NEK6: variants seen among roughly 807,000 people sequenced by gnomAD.
NEK6 encodes the protein NIMA related kinase 6, also known as serine/threonine-protein kinase Nek6.
In NEK6, 27 loss-of-function variants were observed where a neutral mutation model predicts 43.5. The observed-to-expected ratio is 0.62, with a 90% confidence interval of 0.46 to 0.86. The LOEUF is 0.86. Ranked by LOEUF, NEK6 falls within the 40% of genes least tolerant of loss-of-function variation. The pLI, the probability that NEK6 is intolerant of heterozygous loss-of-function variation, is 0.00. For missense variants in NEK6, 318 were observed against 414.4 expected, an observed-to-expected ratio of 0.77 and a Z score of 2.02; for synonymous variants, 167 against 164.1, an observed-to-expected ratio of 1.02 and a Z score of -0.14.
intron 1 of NEK6, among the ~76,000 whole-genome samples, chr9:124,259,849 A>T (rs938126137): frequency 3.9e-5 from 6 of 152,230 alleles, no homozygotes; most frequent in Admixed American, 1.3e-4. Flanking sequence ...TCTCAGACTG[A>T]AGGCCTTAGA....
intron 1 of NEK6, 66 bp from the exon 2 acceptor site, chr9:124,301,870 C>T (rs141281545): frequency 2.5e-5 from 33 of 1,330,192 alleles, no homozygotes; most frequent in African/African-American, 5.8e-5. Context: ...ATGGGGTGAG[C>T]GAAAGTCCCT....
chr9:124,339,008 G>A (rs1356940489), intron 7 of NEK6, among the ~76,000 whole-genome samples: 1 of 137,716 alleles, frequency 7.3e-6, no homozygotes, highest in Non-Finnish European at 1.5e-5. Flanking sequence ...CAGCTCTCCA[G>A]CCCCATCCTG....
intron 1 of NEK6, among the ~76,000 whole-genome samples, chr9:124,273,317 A>G (rs1831520353): frequency 6.6e-6 from 1 of 152,146 alleles, no homozygotes; most frequent in Admixed American, 6.5e-5. Context: ...ATTTGGATAA[A>G]CTGAGGCCTA....
chr9:124,324,760 G>A lies in NEK6; in HGVS notation c.406-1570G>A, dbSNP rs141359331. On this transcript the variant is annotated intron_variant, in intron 5 of 9. Coordinates refer to ENST00000320246, the MANE Select transcript of NEK6 (RefSeq NM_014397.6). This position sits in a 1 kb window ranked among gnomAD's most constrained non-coding sequence, Gnocchi z 5.3. The stretch of plus-strand genomic sequence containing the variant: ...GGCGAGGTCAGGGGCTCCCCACTGC[G>A]ACTGTCCCACCGTGGGAAGCACCCA... 4.9e-3 allele frequency among the ~76,000 whole-genome samples: 752 copies of A among 152,280 alleles called. 8 individuals are homozygous for A. Among genetic ancestry groups the A allele is most frequent in the African/African-American group, 0.017 (726 of 41,566 alleles).
chr9:124,340,207 TG>T (rs1390059063), intron 8 of NEK6, among the ~76,000 whole-genome samples: 2 of 152,190 alleles, frequency 1.3e-5, no homozygotes, highest in Non-Finnish European at 2.9e-5. Context: ...GTGGCCTGCC[TG>T]GACAAAGGGA....
Position 124,260,883 on chromosome 9 carries a change from A to G in NEK6, c.-30+2798A>G, listed in dbSNP as rs117034482. ...CTAATACGCAGCAGAGCTGGATTTG[A>G]ACCCAGGCTTGTCTGAGCAGAGCCC... is the stretch of plus-strand genomic sequence containing the variant. On this transcript the variant is annotated intron_variant, in intron 1 of 9. Transcript: ENST00000320246. 6.5e-3 allele frequency among the ~76,000 whole-genome samples: 994 copies of G among 152,334 alleles called. 10 individuals carry two copies. The highest frequency in any genetic ancestry group is 0.01 in the Middle Eastern group (3 of 294).
chr9:124,343,691 G>T lies in NEK6; in HGVS notation c.718-4018G>T, dbSNP rs1238959161. Among the ~76,000 whole-genome samples the T allele has an allele frequency of 5.9e-5, 9 of 152,192 alleles. No individual in the cohort carries two copies. The highest frequency in any genetic ancestry group is 5.9e-4 in the Admixed American group (9 of 15,286). On this transcript the variant is annotated intron_variant, in intron 8 of 9. Coordinates refer to ENST00000320246, the MANE Select transcript of NEK6 (RefSeq NM_014397.6). The surrounding 1 kb of genome is among the most constrained non-coding windows in gnomAD (Gnocchi z 5.1). ...GCCCCACAGCCTGTGGTGTCTTCCAGGGGCACCAGCCTGAAGAGCTGTGAC... is the reference window on the plus strand; with the variant it reads ...GCCCCACAGCCTGTGGTGTCTTCCATGGGCACCAGCCTGAAGAGCTGTGAC...
At chr9:124,347,899 C>A in intron 9 of NEK6, 77 bp downstream of exon 9, 1 of 827,082 alleles carries the variant, frequency 1.2e-6, no homozygotes. Context: ...CAAAACACCA[C>A]AGCTGTGGGG....
At chr9:124,342,377 C>T (rs1331372993) in intron 8 of NEK6, among the ~76,000 whole-genome samples, 1 of 152,240 alleles carries the variant, frequency 6.6e-6, no homozygotes, top group Non-Finnish European at 1.5e-5. Context: ...CTTACCAACT[C>T]ACTTTCATCC....
chr9:124,270,149 C>T (rs1831383403), intron 1 of NEK6, among the ~76,000 whole-genome samples: 1 of 152,164 alleles, frequency 6.6e-6, no homozygotes, highest in East Asian at 1.9e-4. Flanking sequence ...CATCTGCTGC[C>T]ATTGGTCCTG....
chr9:124,316,384 T>A (rs545831999), intron 4 of NEK6, among the ~76,000 whole-genome samples: 42 of 152,314 alleles, frequency 2.8e-4, no homozygotes, highest in African/African-American at 9.6e-4. Context: ...TCATAGACAC[T>A]CTGTGTTACA....
chr9:124,292,759 AACCAGTT>A, intron 1 of NEK6: 1 of 1,249,950 alleles, frequency 8.0e-7, no homozygotes, highest in Non-Finnish European at 1.1e-6. Flanking sequence ...CTGAGTCAGC[AACCAGTT>A]ACCCAGCCTC....
At chr9:124,323,447 TG>T (rs1437091161) in intron 5 of NEK6, among the ~76,000 whole-genome samples, 58 of 152,130 alleles carry the variant, frequency 3.8e-4, no homozygotes, top group Non-Finnish European at 7.9e-4. Context: ...GTCAGCTCTG[TG>T]TTCTAGAAGA....
Position 124,258,266 on chromosome 9 carries a change from C to T in NEK6, c.-30+181C>T, listed in dbSNP as rs3983850. 59 of 983,666 alleles carry T rather than the reference C, an allele frequency of 6.0e-5. No individual in the cohort carries two copies. The South Asian group carries it at 1.8e-3, about 31-fold the overall frequency. The allele number at this position is 983,666 out of a possible 1,614,324, so 60.9% of individuals were successfully genotyped here. The stretch of plus-strand genomic sequence containing the variant: ...GCGCGGGGCTGAGCGTGTCGGCGGC[C>T]GGGCGGGCGGGGGCGGCGTGTCCGC... On this transcript the variant is annotated intron_variant, in intron 1 of 9. Transcript: ENST00000320246.
chr9:124,297,329 A>G (rs545454804), intron 1 of NEK6, among the ~76,000 whole-genome samples: 3 of 152,230 alleles, frequency 2.0e-5, no homozygotes, highest in Non-Finnish European at 4.4e-5. Flanking sequence ...CCCATGTGCC[A>G]GGCTCTGTGC....
intron 7 of NEK6, among the ~76,000 whole-genome samples, chr9:124,332,347 C>G (rs1336655862): frequency 1.3e-5 from 2 of 152,150 alleles, no homozygotes; most frequent in South Asian, 2.1e-4. Flanking sequence ...AGAGGGAAAC[C>G]AAGTCTGCAG....
chr9:124,318,247 A>AT (rs996164440), intron 4 of NEK6, among the ~76,000 whole-genome samples: 421 of 147,342 alleles, frequency 2.9e-3, no homozygotes, highest in Admixed American at 4.0e-3. Context: ...TCTCATTGTA[A>AT]TTTTTTTTTT....
chr9:124,286,055 C>T (rs1832142754), intron 1 of NEK6, among the ~76,000 whole-genome samples: 1 of 152,166 alleles, frequency 6.6e-6, no homozygotes, highest in African/African-American at 2.4e-5. Context: ...GACTCCTAGT[C>T]TCGTGAACGG....
chr9:124,347,729 C>G lies in NEK6; in HGVS notation c.738C>G (p.Pro246=), dbSNP rs942903255. 1.2e-6 allele frequency: 2 copies of G among 1,610,808 alleles called. No homozygotes were observed. The highest frequency in any genetic ancestry group is 3.3e-5 in the Admixed American group (2 of 59,762). The change falls in exon 9 of 10, where the codon CCC becomes CCG. Residue 246 remains proline, a synonymous_variant. Coordinates refer to ENST00000320246, the MANE Select transcript of NEK6 (RefSeq NM_014397.6). ...TGCAGATGGCAGCCCTCCAGAGCCC[C>G]TTCTATGGAGATAAGATGAATCTCT... ...LLYEMAALQS[P]FYGDKMNLFS...
Sources: allele counts gnomAD v4.1 joint callset (sites outside exome capture counted in the v4.1 genomes callset), GRCh38; gene constraint gnomAD v4.1.1; non-coding constraint Gnocchi (gnomAD v3.1); transcripts MANE v1.5; gene names NCBI Gene and HGNC (gene_info 2026-07-23, HGNC 2026-07-21).